The following STARD13 variants were observed in gnomAD, a reference collection of about 807,000 sequenced individuals.
STARD13 encodes the protein stAR-related lipid transfer protein 13.
In STARD13, 62 loss-of-function variants were observed where a neutral mutation model predicts 106.4. That is an observed-to-expected ratio of 0.58 (90% CI 0.48 to 0.72). The LOEUF is 0.72. Among genes scored for constraint, STARD13 ranks in the 30% least tolerant of loss-of-function variants. The pLI, the probability that STARD13 is intolerant of heterozygous loss-of-function variation, is 0.00. For missense variants in STARD13, 1,387 were observed against 1,424.0 expected, an observed-to-expected ratio of 0.97 and a Z score of 0.42; for synonymous variants, 565 against 553.0, an observed-to-expected ratio of 1.02 and a Z score of -0.31.
chr13:33,309,540 G>A (rs1393865399), intron 1 of STARD13, among the ~76,000 whole-genome samples: 2 of 152,176 alleles, frequency 1.3e-5, no homozygotes, highest in Admixed American at 1.3e-4. Flanking sequence ...CGCTATTGAG[G>A]CAGAAGGTTT....
chr13:33,449,353 A>G, the STARD13 span, among the ~76,000 whole-genome samples: 1 of 152,192 alleles, frequency 6.6e-6, no homozygotes, highest in African/African-American at 2.4e-5. Context: ...TATTTATTGA[A>G]GAGACATTCC....
the STARD13 span, among the ~76,000 whole-genome samples, chr13:33,428,659 G>T: frequency 6.6e-6 from 1 of 152,084 alleles, no homozygotes; most frequent in Non-Finnish European, 1.5e-5. Context: ...AAAAAAACAG[G>T]CAACACATCA....
the STARD13 span, among the ~76,000 whole-genome samples, chr13:33,624,786 A>G: frequency 1.3e-5 from 2 of 152,368 alleles, no homozygotes; most frequent in Middle Eastern, 3.4e-3. Flanking sequence ...AGATAACTTA[A>G]TCCAAGGCAA....
intron 1 of STARD13, among the ~76,000 whole-genome samples, chr13:33,327,102 A>G (rs1307099933): frequency 6.6e-6 from 1 of 152,210 alleles, no homozygotes; most frequent in African/African-American, 2.4e-5. Flanking sequence ...AAAATGGTGC[A>G]CCTAAGAAAT....
At chr13:33,450,945 C>CA in the STARD13 span, among the ~76,000 whole-genome samples, 2 of 152,128 alleles carry the variant, frequency 1.3e-5, no homozygotes, top group African/African-American at 4.8e-5. Context: ...TGCAGTGGTG[C>CA]AATCATGTCT....
At chr13:33,522,631 C>A in the STARD13 span, among the ~76,000 whole-genome samples, 1 of 152,112 alleles carries the variant, frequency 6.6e-6, no homozygotes, top group African/African-American at 2.4e-5. Context: ...TGAAGTCATA[C>A]AGTATGTAGC....
chr13:33,631,719 A>G, the STARD13 span, among the ~76,000 whole-genome samples: 1 of 152,236 alleles, frequency 6.6e-6, no homozygotes, highest in Non-Finnish European at 1.5e-5. Context: ...ACAAGATGCT[A>G]TTAATATATG....
the STARD13 span, among the ~76,000 whole-genome samples, chr13:33,663,142 G>C: frequency 3.3e-5 from 5 of 152,124 alleles, no homozygotes; most frequent in African/African-American, 1.2e-4. Context: ...GTAGTGTGCA[G>C]TGGTAAGAAC....
chr13:33,419,972 G>A, the STARD13 span, among the ~76,000 whole-genome samples: 1 of 152,142 alleles, frequency 6.6e-6, no homozygotes, highest in South Asian at 2.1e-4. Context: ...AACATGGAAA[G>A]GAACAAGCAG....
At chr13:33,258,885 C>T (rs776327271) in intron 1 of STARD13, among the ~76,000 whole-genome samples, 17 of 152,332 alleles carry the variant, frequency 1.1e-4, no homozygotes, top group Non-Finnish European at 1.9e-4. Flanking sequence ...AGATCTTTCT[C>T]CTATAAGTGT....
chr13:33,226,435 CTTTTTTTT>C (rs71196514), intron 1 of STARD13, among the ~76,000 whole-genome samples: 4 of 130,250 alleles, frequency 3.1e-5, no homozygotes, highest in Admixed American at 1.5e-4. Context: ...AAATTTAGTT[CTTTTTTTT>C]TTTTTTTTTT....
At chr13:33,519,216 CTTTCTTTCTTTCTTTCTTTCTTT>C in the STARD13 span, among the ~76,000 whole-genome samples, 1 of 106,844 alleles carries the variant, frequency 9.4e-6, no homozygotes, top group Admixed American at 9.0e-5. Flanking sequence ...TTTTTTCTTT[CTTTCTTTCTTTCTTTCTTTCTTT>C]CTTTCTTTCT....
chr13:33,260,009 A>C (rs1477242257), intron 1 of STARD13, among the ~76,000 whole-genome samples: 1 of 151,966 alleles, frequency 6.6e-6, no homozygotes. Flanking sequence ...AAAAAAAAAA[A>C]AAAAAAAAAA....
chr13:33,183,622 T>C (rs575747242), intron 1 of STARD13, among the ~76,000 whole-genome samples: 45 of 152,278 alleles, frequency 3.0e-4, no homozygotes, highest in African/African-American at 7.2e-4. Flanking sequence ...AGAAATCTCA[T>C]GAAGCTTAGA....
downstream of STARD13, among the ~76,000 whole-genome samples, chr13:33,343,908 A>T (rs35137968): frequency 5.0e-3 from 757 of 151,882 alleles, 3 homozygotes; most frequent in Admixed American, 0.013. Flanking sequence ...ATCCACTCTT[A>T]CCACCTATTT....
chr13:33,128,794 T>A (rs1877647000), intron 5 of STARD13, 135 bp downstream of exon 5: 2 of 848,252 alleles, frequency 2.4e-6, no homozygotes, highest in South Asian at 3.6e-5. Context: ...GTTCAAATAA[T>A]TCCTAATCAC....
chr13:33,652,201 C>A, the STARD13 span, among the ~76,000 whole-genome samples: 1 of 152,230 alleles, frequency 6.6e-6, no homozygotes, highest in Non-Finnish European at 1.5e-5. Context: ...AATGCCCCAG[C>A]ATTTGGGAAT....
intron 7 of STARD13, 94 bp from the exon 8 acceptor site, chr13:33,118,357 G>T: frequency 9.6e-7 from 1 of 1,039,892 alleles, no homozygotes; most frequent in Non-Finnish European, 1.5e-6. Context: ...AGCTGGAATT[G>T]CCTCCCAATT....
the STARD13 span, among the ~76,000 whole-genome samples, chr13:33,462,266 T>C: frequency 5.3e-5 from 8 of 152,212 alleles, no homozygotes; most frequent in Non-Finnish European, 1.2e-4. Flanking sequence ...TTCTTGTTCA[T>C]CCCGACCAAA....
Sources: gnomAD v4.1 joint callset for allele counts (sites outside exome capture counted in the v4.1 genomes callset) on GRCh38, gnomAD v4.1.1 for gene constraint, MANE v1.5 for transcripts, NCBI Gene and HGNC (gene_info 2026-07-23, HGNC 2026-07-21) for gene names.